TRMT11: variants seen among roughly 807,000 people sequenced by gnomAD.
TRMT11 encodes the protein tRNA (guanine(10)-N(2))-methyltransferase TRMT11.
A neutral mutation model predicts 62.8 loss-of-function variants in TRMT11; 53 were observed. The ratio of observed to expected loss-of-function variants is 0.84; its 90% CI spans 0.68 to 1.06. TRMT11 has a LOEUF of 1.06. TRMT11 is among the 50% of genes least tolerant of loss of function. The probability of loss-of-function intolerance (pLI) is 0.00; values close to 1 mark genes in which losing one functional copy is unlikely to be tolerated. For missense variants in TRMT11, 556 were observed against 553.4 expected (o/e 1.00, Z -0.05); for synonymous variants, 188 against 190.3 (o/e 0.99, Z 0.10).
chr6:126,004,069 A>G (rs1390220980), intron 7 of TRMT11, among the ~76,000 whole-genome samples: 7 of 152,046 alleles, frequency 4.6e-5, no homozygotes, highest in Non-Finnish European at 1.0e-4. Context: ...CTTGGACTTT[A>G]AAAACTTTTT....
the TRMT11 span, among the ~76,000 whole-genome samples, chr6:126,243,364 G>A: frequency 6.6e-6 from 1 of 152,140 alleles, no homozygotes; most frequent in Non-Finnish European, 1.5e-5. Context: ...AACCATTGTG[G>A]AAGTCAGTGT....
At chr6:126,132,032 A>G (rs1777790854) in intron 21 of TRMT11, among the ~76,000 whole-genome samples, 1 of 152,048 alleles carries the variant, frequency 6.6e-6, no homozygotes, top group Admixed American at 6.6e-5. Context: ...ATGCATACCC[A>G]TTCTACCTTC....
chr6:126,233,902 T>C, the TRMT11 span, among the ~76,000 whole-genome samples: 1 of 152,120 alleles, frequency 6.6e-6, no homozygotes, highest in African/African-American at 2.4e-5. Flanking sequence ...ACCATAGAGA[T>C]GTTAATAAAA....
In TRMT11 at chr6:126,089,206, C is replaced by T. The variant is rs953134109; in HGVS notation, c.*1438-23660C>T. Among the ~76,000 whole-genome samples, 4 of 151,818 alleles carry T rather than the reference C, an allele frequency of 2.6e-5. No individual in the cohort carries two copies. The South Asian group carries it at 6.3e-4, about 24-fold the overall frequency. On this transcript the variant is annotated intron_variant and NMD_transcript_variant, in intron 17 of 22. Transcript: ENST00000648977. The stretch of plus-strand genomic sequence containing the variant: ...TTGGCTCACTGCAACTTCCATCTCC[C>T]GGGTTTGAGTAATTCTCCTGCCTCA...
intron 21 of TRMT11, among the ~76,000 whole-genome samples, chr6:126,133,025 T>A (rs1374144456): frequency 6.6e-6 from 1 of 151,984 alleles, no homozygotes; most frequent in African/African-American, 2.4e-5. Flanking sequence ...TTTTTAAGAG[T>A]TATTTGAGCT....
At chr6:126,113,814 C>A (rs1403376721) in intron 18 of TRMT11, among the ~76,000 whole-genome samples, 1 of 152,010 alleles carries the variant, frequency 6.6e-6, no homozygotes, top group African/African-American at 2.4e-5. Context: ...GAACTTAGGC[C>A]CACCTCACAC....
At chr6:126,027,883 T>A (rs1292374840) in intron 12 of TRMT11, among the ~76,000 whole-genome samples, 1 of 152,128 alleles carries the variant, frequency 6.6e-6, no homozygotes, top group Non-Finnish European at 1.5e-5. Context: ...TATAACAGTA[T>A]TTTTTTAAAC....
the TRMT11 span, among the ~76,000 whole-genome samples, chr6:126,216,441 A>G: frequency 6.6e-6 from 1 of 151,884 alleles, no homozygotes; most frequent in African/African-American, 2.4e-5. Flanking sequence ...GAAATTTTTC[A>G]ATTTTCTTCT....
chr6:126,253,493 T>C, the TRMT11 span, among the ~76,000 whole-genome samples: 1 of 152,250 alleles, frequency 6.6e-6, no homozygotes, highest in Non-Finnish European at 1.5e-5. Flanking sequence ...TTATGTATTA[T>C]ACTTAATTGT....
intron 17 of TRMT11, among the ~76,000 whole-genome samples, chr6:126,095,058 GA>G (rs1777325520): frequency 6.6e-6 from 1 of 152,130 alleles, no homozygotes; most frequent in African/African-American, 2.4e-5. Flanking sequence ...ATGAAACTCA[GA>G]GATTATTTCT....
At chr6:126,022,800 C>T (rs373188130) in intron 12 of TRMT11, among the ~76,000 whole-genome samples, 2 of 152,042 alleles carry the variant, frequency 1.3e-5, no homozygotes, top group Non-Finnish European at 2.9e-5. Flanking sequence ...TATAGGTATA[C>T]GTGTACATAC....
intron 21 of TRMT11, among the ~76,000 whole-genome samples, chr6:126,128,044 G>T (rs1257716982): frequency 6.6e-6 from 1 of 152,040 alleles, no homozygotes; most frequent in African/African-American, 2.4e-5. Flanking sequence ...ATTTAATTCT[G>T]CCTATTGTAG....
chr6:126,186,376 A>G (rs1778528138), intron 1 of TRMT11, among the ~76,000 whole-genome samples: 1 of 152,204 alleles, frequency 6.6e-6, no homozygotes, highest in Non-Finnish European at 1.5e-5. Context: ...ATCTATAAAA[A>G]TATCTAAATT....
rs779701410 is a variant in TRMT11 at position 126,152,939 on chromosome 6, C to T, written c.*1824-21886C>T. Among the ~76,000 whole-genome samples the T allele has an allele frequency of 2.9e-4, 44 of 152,198 alleles. 1 individual carries two copies. Among genetic ancestry groups the T allele is most frequent in the Admixed American group, 1.7e-3 (26 of 15,278 alleles). On this transcript the variant is annotated intron_variant and NMD_transcript_variant, in intron 21 of 22. Transcript: ENST00000648977. Reference sequence around the variant, plus strand: ...ATTCCCACACTGGTTTTCAGAGACCCGGAGTCTAAACCCATTTTTGACCAG... The same window carrying T: ...ATTCCCACACTGGTTTTCAGAGACCTGGAGTCTAAACCCATTTTTGACCAG...
At chr6:126,252,445 G>C in the TRMT11 span, among the ~76,000 whole-genome samples, 1 of 152,056 alleles carries the variant, frequency 6.6e-6, no homozygotes, top group Non-Finnish European at 1.5e-5. Flanking sequence ...GATGTTGCAG[G>C]GTCTCTTATT....
the TRMT11 span, among the ~76,000 whole-genome samples, chr6:126,268,880 A>C: frequency 1.3e-5 from 2 of 152,176 alleles, no homozygotes; most frequent in Admixed American, 1.3e-4. Context: ...GAACATAGAG[A>C]AGAAAAGACT....
chr6:126,061,261 G>T (rs141165954), intron 17 of TRMT11, among the ~76,000 whole-genome samples: 1 of 152,190 alleles, frequency 6.6e-6, no homozygotes, highest in South Asian at 2.1e-4. Flanking sequence ...GGTGATTTCT[G>T]TGGATGTTAC....
chr6:126,101,592 A>C (rs1001161145), intron 17 of TRMT11, among the ~76,000 whole-genome samples: 1 of 152,230 alleles, frequency 6.6e-6, no homozygotes, highest in Non-Finnish European at 1.5e-5. Flanking sequence ...TTCTTAAAAT[A>C]AATCAACTCA....
At chr6:126,066,938 A>G (rs1050452223) in intron 17 of TRMT11, among the ~76,000 whole-genome samples, 2 of 151,790 alleles carry the variant, frequency 1.3e-5, no homozygotes, top group Non-Finnish European at 2.9e-5. Context: ...AAAAAAAAAA[A>G]TAAGGGCCGG....
Sources: gnomAD v4.1 joint callset for allele counts (sites outside exome capture counted in the v4.1 genomes callset) on GRCh38, gnomAD v4.1.1 for gene constraint, MANE v1.5 for transcripts, NCBI Gene and HGNC (gene_info 2026-07-23, HGNC 2026-07-21) for gene names.